The following GAL3ST3 variants were observed in gnomAD, a reference collection of about 807,000 sequenced individuals.
GAL3ST3 encodes galactose-3-O-sulfotransferase 3.
GAL3ST3 carries 21 observed loss-of-function variants against 20.8 expected under a neutral mutation model. The observed-to-expected ratio is 1.01, with a 90% CI of 0.72 to 1.45. The LOEUF is 1.45. Ranked by LOEUF, GAL3ST3 falls within the 40% of genes most tolerant of loss-of-function variation. The pLI is 0.00. For missense variants in GAL3ST3, 739 were observed against 662.7 expected (o/e 1.12, Z -1.26); for synonymous variants, 355 against 307.2 (o/e 1.16, Z -1.63).
In GAL3ST3 at chr11:66,043,479, G is replaced by T. The variant is rs1856745113; in HGVS notation, c.324C>A (p.Pro108=). 3.1e-6 allele frequency: 5 copies of T among 1,610,410 alleles called. No homozygotes were observed. Among genetic ancestry groups the T allele is most frequent in the Non-Finnish European group, 4.2e-6 (5 of 1,179,118 alleles). Residue 108 remains proline (P), a synonymous_variant, in exon 3 of 3, where the codon CCC becomes CCA. Transcript: ENST00000312006. ...GCACGAAGTGCGCCGAGAAGTTGCG[G>T]GGGTAGCAGAACTGGTGCTCGCAGC... The part of the protein sequence containing the change: ...HPSCEHQFCY[P]RNFSAHFVHP...
rs766423752 is a variant in GAL3ST3, at chr11:66,043,279, A to G, written c.524T>C (p.Val175Ala). 1 of 1,611,978 alleles carries G rather than the reference A, an allele frequency of 6.2e-7. No homozygotes were observed. Among genetic ancestry groups the G allele is most frequent in the Non-Finnish European group, 8.5e-7 (1 of 1,179,080 alleles). The change falls in exon 3 of 3, where the codon GTA becomes GCA. Residue 175 changes from valine to alanine, a missense_variant. Coordinates refer to ENST00000312006, the MANE Select transcript of GAL3ST3 (RefSeq NM_033036.3). Reference protein sequence around the residue: ...YNQYCPAFRRVPNASLEAFLR... With the variant: ...YNQYCPAFRRAPNASLEAFLR... The stretch of plus-strand genomic sequence containing the variant: ...GAAGGCCTCGAGCGAGGCGTTGGGT[A>G]CGCGCCGGAAGGCCGGGCAGTACTG...
At position 66,045,396 on chromosome 11, in the gene GAL3ST3, C is replaced by T. The variant is rs1190389732; in HGVS notation, c.20G>A (p.Arg7His). The change falls in exon 2 of 3, where the codon CGC becomes CAC. Residue 7 changes from arginine to histidine, a missense_variant. Coordinates refer to ENST00000312006, the MANE Select transcript of GAL3ST3 (RefSeq NM_033036.3). Reference sequence around the variant, plus strand: ...CATCATCTTGGTGGCCTGCTGCAGGCGCTGGAGGATGGGTGGCATGGCGGA... The same window carrying T: ...CATCATCTTGGTGGCCTGCTGCAGGTGCTGGAGGATGGGTGGCATGGCGGA... The part of the protein sequence containing the change: MPPILQ[R>H]LQQATKMMSR... The T allele has an allele frequency of 3.1e-6, 5 of 1,601,470 alleles. No homozygotes were observed. The highest frequency in any genetic ancestry group is 2.6e-6 in the Non-Finnish European group (3 of 1,173,710).
intron 1 of GAL3ST3, among the ~76,000 whole-genome samples, chr11:66,048,072 A>C (rs1269375355): frequency 6.6e-6 from 1 of 152,082 alleles, no homozygotes; most frequent in African/African-American, 2.4e-5. Flanking sequence ...TGTGGGGTGC[A>C]TGATGGTGCT....
chr11:66,046,503 G>A (rs1856784711), intron 1 of GAL3ST3, among the ~76,000 whole-genome samples: 1 of 152,216 alleles, frequency 6.6e-6, no homozygotes, highest in Non-Finnish European at 1.5e-5. Context: ...AGCCTGGGCG[G>A]GGTGTGGGTT....
Position 66,042,975 on chromosome 11 carries a change from C to G in GAL3ST3, c.828G>C (p.Leu276=), listed in dbSNP as rs750637887. ...KLNARAASSR[L]AAIPAALARA... ...GCGCCAGCGCCGCGGGGATGGCGGCCAGGCGCGAGCTGGCGGCGCGCGCGT... is the reference window on the plus strand; with the variant it reads ...GCGCCAGCGCCGCGGGGATGGCGGCGAGGCGCGAGCTGGCGGCGCGCGCGT... Residue 276 remains leucine (L), a synonymous_variant, in exon 3 of 3, where the codon CTG becomes CTC. Coordinates refer to ENST00000312006, the MANE Select transcript of GAL3ST3 (RefSeq NM_033036.3). The G allele has an allele frequency of 1.3e-6, 2 of 1,545,916 alleles. No homozygotes were observed. Among genetic ancestry groups the G allele is most frequent in the Non-Finnish European group, 1.7e-6 (2 of 1,153,488 alleles).
rs1590698748 is a variant in GAL3ST3, at chr11:66,042,847, C to T, written c.956G>A (p.Arg319His). The stretch of plus-strand genomic sequence containing the variant: ...GGCCTCGCGCAGCTCGCGCGCCTCG[C>T]GCTCCACGCACGCGCGGCCCGCGCG... ...VARAGRACVE[R>H]EARELREARQ... Residue 319 changes from arginine to histidine, a missense_variant, in exon 3 of 3, where the codon CGC (arginine) becomes CAC (histidine). Coordinates refer to ENST00000312006, the MANE Select transcript of GAL3ST3 (RefSeq NM_033036.3). The T allele has an allele frequency of 2.3e-6, 3 of 1,303,550 alleles. No homozygotes were observed. The highest frequency in any genetic ancestry group is 1.7e-5 in the South Asian group (1 of 58,362). 80.7% of individuals were successfully genotyped at this position (1,303,550 alleles called of 1,614,324 possible). A position where few individuals can be genotyped will look rare whatever the true frequency, so the allele number is the denominator to read the frequency against.
Position 66,041,417 on chromosome 11 carries a change from G to A in GAL3ST3, c.*1090C>T, listed in dbSNP as rs1184600674. Among the ~76,000 whole-genome samples, 1 of 152,190 alleles carries A rather than the reference G, an allele frequency of 6.6e-6. No individual in the cohort carries two copies. The highest frequency in any genetic ancestry group is 1.5e-5 in the Non-Finnish European group (1 of 68,034). ...TGCTGGCTATCTTGCTGTGTTAAAG[G>A]AAACTGCAGAAAGGGACTGGTCTTC... On this transcript the variant is annotated 3_prime_UTR_variant, in exon 3 of 3. Transcript: ENST00000312006.
At chr11:66,047,707 A>C (rs1219118017) in intron 1 of GAL3ST3, among the ~76,000 whole-genome samples, 1 of 152,198 alleles carries the variant, frequency 6.6e-6, no homozygotes, top group African/African-American at 2.4e-5. Context: ...CAGCTTGTTC[A>C]GGTTCTTTCC....
chr11:66,042,925 AG>A lies in GAL3ST3; in HGVS notation c.877del (p.Leu293TrpfsTer168). 8.1e-7 allele frequency: 1 copy of A among 1,232,678 alleles called. No individual in the cohort carries two copies. The highest frequency in any genetic ancestry group is 1.0e-6 in the Non-Finnish European group (1 of 978,978). The allele number at this position is 1,232,678 out of a possible 1,614,324, so 76.4% of individuals were successfully genotyped here. A position where few individuals can be genotyped will look rare whatever the true frequency, so the allele number is the denominator to read the frequency against. On this transcript the variant is annotated frameshift_variant, in exon 3 of 3. Coordinates refer to ENST00000312006, the MANE Select transcript of GAL3ST3 (RefSeq NM_033036.3). LOFTEE classifies it low-confidence loss of function (END_TRUNC). ...GAAGTGGTCGTAGAGGCCGGCGTCC[AG>A]GGCGTTCCAGGTGCGCGCCGCCCGC... ...LARAARTWNA[L>X]DAGLYDHFNA...
Position 66,042,686 on chromosome 11 carries a change from C to T in GAL3ST3, c.1117G>A (p.Gly373Ser), listed in dbSNP as rs1329384382. 19 of 1,533,928 alleles carry T rather than the reference C, an allele frequency of 1.2e-5. No homozygotes were observed. The highest frequency in any genetic ancestry group is 2.5e-5 in the East Asian group (1 of 40,816). ...CAGGCCTCGGTGGCCGGGCCGGCGC[C>T]GCCGCCGGGCAGGTCATAGCCCATA... ...DIMGYDLPGG[G>S]AGPATEACLK... Residue 373 changes from glycine to serine, a missense_variant, in exon 3 of 3, where the codon GGC becomes AGC. By Grantham distance (56) the Gly-to-Ser change is moderately conservative (BLOSUM62 0). Transcript: ENST00000312006.
chr11:66,042,904 T>C lies in GAL3ST3; in HGVS notation c.899A>G (p.His300Arg). ...GTGGCGCCAGAAGGTGGCGTTGAAG[T>C]GGTCGTAGAGGCCGGCGTCCAGGGC... ...WNALDAGLYDHFNATFWRHVA... is the reference protein window; with the variant it reads ...WNALDAGLYDRFNATFWRHVA... The change falls in exon 3 of 3, where the codon CAC becomes CGC. Residue 300 changes from histidine to arginine, a missense_variant. His to Arg is a conservative substitution (Grantham distance 29). Coordinates refer to ENST00000312006, the MANE Select transcript of GAL3ST3 (RefSeq NM_033036.3). 1.7e-6 allele frequency: 2 copies of C among 1,209,216 alleles called. No homozygotes were observed. Among genetic ancestry groups the C allele is most frequent in the Non-Finnish European group, 2.1e-6 (2 of 963,294 alleles). 74.9% of individuals were successfully genotyped at this position (1,209,216 alleles called of 1,614,324 possible).
At position 66,043,420 on chromosome 11, in the gene GAL3ST3, C is replaced by T. The variant is rs1213178264; in HGVS notation, c.383G>A (p.Ser128Asn). The change falls in exon 3 of 3, where the codon AGC becomes AAC. Residue 128 changes from serine to asparagine, a missense_variant. Physicochemically the swap from Ser to Asn is conservative, Grantham distance 46 (BLOSUM62 1). Coordinates refer to ENST00000312006, the MANE Select transcript of GAL3ST3 (RefSeq NM_033036.3). ...CTCCGCACGGTCGAAGCGCAGGTGG[C>T]TGGCCAGCACGTGCGGCGGCCGCGT... ...PATRPPHVLA[S>N]HLRFDRAELE... 9.9e-6 allele frequency: 16 copies of T among 1,609,470 alleles called. No homozygotes were observed. The South Asian group carries it at 1.8e-4, about 18-fold the overall frequency.
chr11:66,043,629 C>A lies in GAL3ST3; in HGVS notation c.174G>T (p.Pro58=). Residue 58 remains proline, a synonymous_variant, in exon 3 of 3, where the codon CCG becomes CCT. Coordinates refer to ENST00000312006, the MANE Select transcript of GAL3ST3 (RefSeq NM_033036.3). ...PLSCPPLRNS[P]PRPKHMTVAF... ...CCACAGTCATGTGCTTGGGGCGCGG[C>A]GGCGAGTTCCGCAGAGGAGGGCAGC... 6.2e-7 allele frequency: 1 copy of A among 1,611,782 alleles called. No homozygotes were observed. Among genetic ancestry groups the A allele is most frequent in the Non-Finnish European group, 8.5e-7 (1 of 1,179,092 alleles).
At position 66,043,172 on chromosome 11, in the gene GAL3ST3, C is replaced by T. The variant is rs1856736787; in HGVS notation, c.631G>A (p.Gly211Ser). ...AHNTLAYDLG[G>S]DNERSPRDDA... ...TCGCGCGGGCTGCGCTCATTGTCGCCGCCCAGGTCGTAGGCCAGCGTGTTG... is the reference window on the plus strand; with the variant it reads ...TCGCGCGGGCTGCGCTCATTGTCGCTGCCCAGGTCGTAGGCCAGCGTGTTG... Residue 211 changes from glycine to serine, a missense_variant, in exon 3 of 3, where the codon GGC becomes AGC. Gly to Ser is a moderately conservative substitution (Grantham distance 56, BLOSUM62 0). Transcript: ENST00000312006. 1.2e-6 allele frequency: 2 copies of T among 1,611,976 alleles called. No homozygotes were observed. Among genetic ancestry groups the T allele is most frequent in the Admixed American group, 3.3e-5 (2 of 59,972 alleles).
chr11:66,042,737 A>G lies in GAL3ST3; in HGVS notation c.1066T>C (p.Trp356Arg). ...AQIRTKQLQPWQPSRKVDIMG... is the reference protein window; with the variant it reads ...AQIRTKQLQPRQPSRKVDIMG... Reference sequence around the variant, plus strand: ...ATGTCCACCTTGCGGCTGGGCTGCCACGGCTGCAGCTGCTTGGTGCGGATC... The same window carrying G: ...ATGTCCACCTTGCGGCTGGGCTGCCGCGGCTGCAGCTGCTTGGTGCGGATC... Residue 356 changes from tryptophan to arginine, a missense_variant, in exon 3 of 3, where the codon TGG becomes CGG. By Grantham distance (101) the Trp-to-Arg change is moderately radical. Coordinates refer to ENST00000312006, the MANE Select transcript of GAL3ST3 (RefSeq NM_033036.3). 1.3e-6 allele frequency: 2 copies of G among 1,533,302 alleles called. No homozygotes were observed. 95.0% of individuals were successfully genotyped at this position (1,533,302 alleles called of 1,614,324 possible).
intron 2 of GAL3ST3, 147 bp from the exon 3 acceptor site, chr11:66,043,824 C>T (rs1856752057): frequency 4.5e-6 from 3 of 662,752 alleles, no homozygotes; most frequent in Non-Finnish European, 7.6e-6. Context: ...GCTTGGTAGC[C>T]TCTAAGATGC....
intron 1 of GAL3ST3, among the ~76,000 whole-genome samples, chr11:66,045,788 C>T (rs976820132): frequency 5.3e-5 from 8 of 152,216 alleles, no homozygotes; most frequent in African/African-American, 1.9e-4. Context: ...GTCTCTCTGC[C>T]TGCTCCTAAC....
At chr11:66,045,228 C>G (rs1273276802) in intron 2 of GAL3ST3, 63 bp downstream of exon 2, 1 of 1,386,118 alleles carries the variant, frequency 7.2e-7, no homozygotes, top group African/African-American at 1.5e-5. Flanking sequence ...CTAGCAGGAC[C>G]CTTCTAGCAG....
chr11:66,043,594 T>C lies in GAL3ST3; in HGVS notation c.209A>G (p.Lys70Arg), dbSNP rs571651772. The change falls in exon 3 of 3, where the codon AAG becomes AGG. Residue 70 changes from lysine (K) to arginine (R), a missense_variant. Lys to Arg is a conservative substitution (Grantham distance 26). Transcript: ENST00000312006. The stretch of plus-strand genomic sequence containing the variant: ...CGTCGTGCCTGCCGTCTTGTGAGTC[T>C]TCAGGAAGGCCACAGTCATGTGCTT... Reference protein sequence around the residue: ...RPKHMTVAFLKTHKTAGTTVQ... With the variant: ...RPKHMTVAFLRTHKTAGTTVQ... The C allele has an allele frequency of 1.9e-5, 30 of 1,612,856 alleles. No homozygotes were observed. Among genetic ancestry groups the C allele is most frequent in the Admixed American group, 3.3e-5 (2 of 60,004 alleles).
Sources: allele counts gnomAD v4.1 joint callset (sites outside exome capture counted in the v4.1 genomes callset), GRCh38; gene constraint gnomAD v4.1.1; transcripts MANE v1.5; gene names NCBI Gene and HGNC (gene_info 2026-07-23, HGNC 2026-07-21).